Variants in SRBD1 observed in about 807,000 individuals in gnomAD.
SRBD1 encodes the protein S1 RNA binding domain 1.
SRBD1 carries 88 observed loss-of-function variants against 115.3 expected under a neutral mutation model. That is an observed-to-expected ratio of 0.76 (90% confidence interval 0.64 to 0.91). The LOEUF (loss-of-function observed/expected upper bound fraction) is 0.91, where lower values mean the gene tolerates loss of function less well. Among genes scored for constraint, SRBD1 ranks in the 40% least tolerant of loss-of-function variants. The pLI is 0.00. For synonymous variants in SRBD1, 509 were observed against 407.7 expected (o/e 1.25, Z -2.99); for missense variants, 1,385 against 1,177.4 (o/e 1.18, Z -2.58).
At chr2:45,406,364 G>T (rs1164403552) in intron 19 of SRBD1, among the ~76,000 whole-genome samples, 1 of 152,186 alleles carries the variant, frequency 6.6e-6, no homozygotes, top group Non-Finnish European at 1.5e-5. Flanking sequence ...AGAAGACACT[G>T]AAACAAGTAA....
chr2:45,607,181 T>C (rs1674299286), intron 1 of SRBD1, among the ~76,000 whole-genome samples: 1 of 152,196 alleles, frequency 6.6e-6, no homozygotes, highest in Admixed American at 6.5e-5. Flanking sequence ...ACATTGATCA[T>C]GAAAGAACAG....
At chr2:45,529,347 T>C (rs1015626668) in intron 14 of SRBD1, among the ~76,000 whole-genome samples, 7 of 151,604 alleles carry the variant, frequency 4.6e-5, no homozygotes, top group African/African-American at 7.3e-5. Context: ...AAATGAAGAG[T>C]AGAAACAAAT....
intron 16 of SRBD1, among the ~76,000 whole-genome samples, chr2:45,463,462 TGAAA>T (rs1272450320): frequency 6.6e-6 from 1 of 152,228 alleles, no homozygotes; most frequent in African/African-American, 2.4e-5. Context: ...TCAACATTCC[TGAAA>T]AATAGCAAGT....
chr2:45,512,341 T>C (rs553041126), intron 14 of SRBD1, among the ~76,000 whole-genome samples: 2 of 152,316 alleles, frequency 1.3e-5, no homozygotes, highest in African/African-American at 2.4e-5. Flanking sequence ...CAGAGTCCTA[T>C]TGGAACCACA....
intron 14 of SRBD1, among the ~76,000 whole-genome samples, 177 bp from the exon 15 acceptor site, chr2:45,488,508 GTGTT>G (rs1214542492): frequency 2.0e-5 from 3 of 152,022 alleles, no homozygotes; most frequent in Non-Finnish European, 2.9e-5. Flanking sequence ...TGATTATGCA[GTGTT>G]TGTTTTTTTC....
intron 7 of SRBD1, among the ~76,000 whole-genome samples, chr2:45,576,195 C>T (rs1673171776): frequency 6.6e-6 from 1 of 152,080 alleles, no homozygotes; most frequent in Admixed American, 6.6e-5. Context: ...TATGATAATC[C>T]ACTTCCATTT....
chr2:45,427,775 T>A (rs72616983), intron 16 of SRBD1, among the ~76,000 whole-genome samples: 1 of 152,156 alleles, frequency 6.6e-6, no homozygotes, highest in Admixed American at 6.5e-5. Context: ...TGAGATCAAG[T>A]TGGCTTCATC....
At chr2:45,578,704 G>A (rs1028098620) in intron 7 of SRBD1, among the ~76,000 whole-genome samples, 1 of 152,146 alleles carries the variant, frequency 6.6e-6, no homozygotes, top group Non-Finnish European at 1.5e-5. Context: ...AGGTGGGGGC[G>A]GGGTGGAAAG....
At chr2:45,432,619 C>G (rs1668374634) in intron 16 of SRBD1, among the ~76,000 whole-genome samples, 1 of 152,126 alleles carries the variant, frequency 6.6e-6, no homozygotes, top group Non-Finnish European at 1.5e-5. Context: ...GTACAAGAAG[C>G]AAGAGGGCCT....
chr2:45,571,530 A>AAAAAAAAAC (rs1673014662), intron 9 of SRBD1, among the ~76,000 whole-genome samples: 2 of 148,288 alleles, frequency 1.3e-5, no homozygotes, highest in Admixed American at 6.7e-5. Context: ...AAAAAAAAAA[A>AAAAAAAAAC]AAAAAAAAAA....
chr2:45,547,294 C>G (rs1350908748), intron 13 of SRBD1, among the ~76,000 whole-genome samples: 1 of 152,198 alleles, frequency 6.6e-6, no homozygotes, highest in African/African-American at 2.4e-5. Flanking sequence ...CTGCTCACAT[C>G]TGCCCATATT....
At chr2:45,484,803 TG>T (rs1232052403) in intron 15 of SRBD1, among the ~76,000 whole-genome samples, 3 of 152,240 alleles carry the variant, frequency 2.0e-5, no homozygotes, top group African/African-American at 7.2e-5. Context: ...TCTACAGATT[TG>T]TCTGTTCTGC....
At chr2:45,604,688 C>T (rs1315039848) in intron 2 of SRBD1, among the ~76,000 whole-genome samples, 1 of 152,168 alleles carries the variant, frequency 6.6e-6, no homozygotes, top group African/African-American at 2.4e-5. Context: ...CCCCAAATCT[C>T]ATCTAGATCT....
chr2:45,553,280 T>C (rs1672361322), intron 11 of SRBD1, among the ~76,000 whole-genome samples: 1 of 152,232 alleles, frequency 6.6e-6, no homozygotes, highest in Non-Finnish European at 1.5e-5. Flanking sequence ...AAAAACAAAG[T>C]AATTGATTCA....
chr2:45,397,290 A>G (rs1667173403), intron 19 of SRBD1, among the ~76,000 whole-genome samples: 1 of 152,190 alleles, frequency 6.6e-6, no homozygotes, highest in Non-Finnish European at 1.5e-5. Flanking sequence ...AAAATCTGTT[A>G]CTGTTTCTAT....
intron 10 of SRBD1, among the ~76,000 whole-genome samples, chr2:45,554,364 C>G (rs189995824): frequency 6.6e-6 from 1 of 152,340 alleles, no homozygotes; most frequent in East Asian, 1.9e-4. Context: ...GTTGAAGCCA[C>G]ATAGTCTGTG....
chr2:45,570,677 A>G (rs1672978097), intron 9 of SRBD1, among the ~76,000 whole-genome samples: 1 of 152,226 alleles, frequency 6.6e-6, no homozygotes, highest in Non-Finnish European at 1.5e-5. Context: ...ATAAGAGAGC[A>G]CTTTTAACGT....
At chr2:45,492,756 T>A (rs540805819) in intron 14 of SRBD1, among the ~76,000 whole-genome samples, 31 of 152,258 alleles carry the variant, frequency 2.0e-4, no homozygotes, top group Admixed American at 1.1e-3. Flanking sequence ...TTTTTTTTTT[T>A]AAATTACTGG....
chr2:45,467,813 C>T (rs1669534934), intron 16 of SRBD1, among the ~76,000 whole-genome samples: 1 of 152,124 alleles, frequency 6.6e-6, no homozygotes, highest in Non-Finnish European at 1.5e-5. Context: ...AGTAAATTCT[C>T]ATTGTAAAAC....
Sources: gnomAD v4.1 joint callset for allele counts (sites outside exome capture counted in the v4.1 genomes callset) on GRCh38, gnomAD v4.1.1 for gene constraint, MANE v1.5 for transcripts, NCBI Gene and HGNC (gene_info 2026-07-23, HGNC 2026-07-21) for gene names.